Variants in ST18 observed in about 807,000 individuals in gnomAD.
The protein encoded by ST18 is suppression of tumorigenicity 18 protein.
In ST18, 50 loss-of-function variants were observed where a neutral mutation model predicts 110.0. The observed-to-expected ratio is 0.45, with a 90% confidence interval of 0.36 to 0.58. The LOEUF is 0.58. ST18 is among the 20% of genes least tolerant of loss of function. The pLI, the probability that ST18 is intolerant of heterozygous loss-of-function variation, is 0.00. For missense variants in ST18, 1,306 were observed against 1,280.1 expected (o/e 1.02, Z -0.31); for synonymous variants, 461 against 452.4 (o/e 1.02, Z -0.24).
At chr8:52,265,971 C>T (rs1459616096) in intron 2 of ST18, among the ~76,000 whole-genome samples, 2 of 152,084 alleles carry the variant, frequency 1.3e-5, no homozygotes, top group African/African-American at 4.8e-5. Flanking sequence ...GGAGAGGAGG[C>T]TGAGCAGAAG....
chr8:52,330,241 C>T (rs1808577787), intron 2 of ST18, among the ~76,000 whole-genome samples: 1 of 152,098 alleles, frequency 6.6e-6, no homozygotes, highest in Non-Finnish European at 1.5e-5. Context: ...GACAATTTTG[C>T]CAGTTTAATG....
chr8:52,278,059 A>T (rs1317376725), intron 2 of ST18, among the ~76,000 whole-genome samples: 1 of 152,200 alleles, frequency 6.6e-6, no homozygotes, highest in African/African-American at 2.4e-5. Flanking sequence ...AGTAGACAGA[A>T]CTTCCTAGCT....
At chr8:52,317,746 T>G (rs1382155931) in intron 2 of ST18, among the ~76,000 whole-genome samples, 2 of 152,224 alleles carry the variant, frequency 1.3e-5, no homozygotes. Flanking sequence ...TTTCTCCTTT[T>G]GCATTCTAAT....
chr8:52,388,993 A>G (rs1480227644), intron 2 of ST18, among the ~76,000 whole-genome samples: 2 of 151,140 alleles, frequency 1.3e-5, no homozygotes, highest in African/African-American at 4.9e-5. Flanking sequence ...AAAAAGAACA[A>G]GCAATACTTG....
chr8:52,161,701 C>T lies in ST18; in HGVS notation c.1401-133G>A, dbSNP rs1455180730. 69 of 1,035,364 alleles carry T rather than the reference C, an allele frequency of 6.7e-5. 1 individual carries two copies. The East Asian group carries it at 1.3e-3, about 19-fold the overall frequency. The allele number at this position is 1,035,364 out of a possible 1,614,324, so 64.1% of individuals were successfully genotyped here. On this transcript the variant is annotated intron_variant, in intron 13 of 25. Coordinates refer to ENST00000689386, the MANE Select transcript of ST18 (RefSeq NM_001352837.2). ...CAGAGACACTGAACAATAAGAGAGA[C>T]GGGGCCATGGCAGGACAGAGCAGCA...
At chr8:52,279,761 A>G (rs1260901932) in intron 2 of ST18, among the ~76,000 whole-genome samples, 1 of 152,208 alleles carries the variant, frequency 6.6e-6, no homozygotes, top group Non-Finnish European at 1.5e-5. Context: ...AAAACCACCA[A>G]GCTGGATATG....
intron 2 of ST18, among the ~76,000 whole-genome samples, chr8:52,231,830 G>A (rs943300418): frequency 6.6e-6 from 1 of 152,132 alleles, no homozygotes; most frequent in Admixed American, 6.5e-5. Flanking sequence ...TCTCACAAGG[G>A]TCCAGGTTCT....
chr8:52,322,311 C>G (rs750879594), intron 2 of ST18, among the ~76,000 whole-genome samples: 4 of 152,158 alleles, frequency 2.6e-5, no homozygotes, highest in Admixed American at 6.5e-5. Context: ...TAGTAGATCT[C>G]TCCTTCCCTT....
At chr8:52,338,537 C>T (rs754934830) in intron 2 of ST18, among the ~76,000 whole-genome samples, 6 of 152,130 alleles carry the variant, frequency 3.9e-5, no homozygotes, top group African/African-American at 7.2e-5. Flanking sequence ...GATCCTCCCA[C>T]CTCAGCCTCC....
intron 2 of ST18, among the ~76,000 whole-genome samples, chr8:52,324,583 G>A (rs1805460627): frequency 6.6e-6 from 1 of 152,172 alleles, no homozygotes; most frequent in Admixed American, 6.6e-5. Context: ...CTGACTGCAG[G>A]AGCTATGATT....
intron 2 of ST18, among the ~76,000 whole-genome samples, chr8:52,408,465 C>T (rs917753170): frequency 4.6e-5 from 7 of 152,294 alleles, no homozygotes; most frequent in Non-Finnish European, 5.9e-5. Context: ...CCCACAGTCA[C>T]GAGACAGAAA....
chr8:52,246,279 A>G (rs1310657135), intron 2 of ST18, among the ~76,000 whole-genome samples: 1 of 152,062 alleles, frequency 6.6e-6, no homozygotes, highest in East Asian at 1.9e-4. Context: ...CAATGTATCA[A>G]TTAAAAGAAA....
chr8:52,128,270 C>T (rs2047884085), intron 22 of ST18, among the ~76,000 whole-genome samples: 1 of 152,126 alleles, frequency 6.6e-6, no homozygotes, highest in African/African-American at 2.4e-5. Flanking sequence ...TGCCCAGCTG[C>T]AATTTTAAAT....
intron 8 of ST18, among the ~76,000 whole-genome samples, chr8:52,204,340 C>A (rs982968956): frequency 6.6e-6 from 1 of 152,200 alleles, no homozygotes; most frequent in African/African-American, 2.4e-5. Context: ...TTAGTAAAGT[C>A]CAACCTATGG....
intron 2 of ST18, among the ~76,000 whole-genome samples, chr8:52,361,977 G>A (rs925039884): frequency 6.6e-6 from 1 of 151,946 alleles, no homozygotes; most frequent in African/African-American, 2.4e-5. Context: ...TCAGTTGTAG[G>A]TTAATTATTG....
chr8:52,178,612 A>T (rs918870483), intron 9 of ST18, among the ~76,000 whole-genome samples: 1 of 106,968 alleles, frequency 9.3e-6, no homozygotes, highest in African/African-American at 4.5e-5. Context: ...GTGAGACTCC[A>T]TCAAAAAAAA....
intron 2 of ST18, among the ~76,000 whole-genome samples, chr8:52,286,723 C>T (rs1246394914): frequency 6.6e-6 from 1 of 151,208 alleles, no homozygotes; most frequent in Non-Finnish European, 1.5e-5. Context: ...ACAATTCATG[C>T]TCATTGCACC....
chr8:52,179,125 G>T (rs557136215), intron 9 of ST18, among the ~76,000 whole-genome samples: 1 of 152,086 alleles, frequency 6.6e-6, no homozygotes, highest in Non-Finnish European at 1.5e-5. Context: ...ATGTTTAGTA[G>T]AATATACATC....
chr8:52,308,423 T>C (rs1397563524), intron 2 of ST18, among the ~76,000 whole-genome samples: 5 of 152,254 alleles, frequency 3.3e-5, no homozygotes, highest in African/African-American at 4.8e-5. Flanking sequence ...TTAATAGATA[T>C]GGGCTCAGAC....
Sources: allele counts gnomAD v4.1 joint callset (sites outside exome capture counted in the v4.1 genomes callset), GRCh38; gene constraint gnomAD v4.1.1; transcripts MANE v1.5; gene names NCBI Gene and HGNC (gene_info 2026-07-23, HGNC 2026-07-21).